Variants in ASPH observed in about 807,000 individuals in gnomAD.
ASPH encodes the protein aspartyl/asparaginyl beta-hydroxylase.
A neutral mutation model predicts 118.4 loss-of-function variants in ASPH; 100 were observed. That is an observed-to-expected ratio of 0.84 (90% CI 0.72 to 1.00). The LOEUF (loss-of-function observed/expected upper bound fraction) is 1.00, where lower values mean the gene tolerates loss of function less well. Ranked by LOEUF, ASPH falls within the 50% of genes least tolerant of loss-of-function variation. The pLI, the probability that ASPH is intolerant of heterozygous loss-of-function variation, is 0.00. For missense variants in ASPH, 920 were observed against 919.5 expected, an observed-to-expected ratio of 1.00 and a Z score of -0.01; for synonymous variants, 315 against 325.6, an observed-to-expected ratio of 0.97 and a Z score of 0.35.
At chr8:61,643,012 A>T in intron 9 of ASPH, 92 bp from the exon 10 acceptor site, 2 of 1,127,358 alleles carry the variant, frequency 1.8e-6, no homozygotes, top group Non-Finnish European at 2.5e-6. Context: ...CTTAATCGTA[A>T]ACACAGAACT....
chr8:61,611,262 G>A (rs1847262574), intron 14 of ASPH, among the ~76,000 whole-genome samples: 1 of 152,290 alleles, frequency 6.6e-6, no homozygotes, highest in African/African-American at 2.4e-5. Flanking sequence ...TTGCTATATG[G>A]ACACAGCTTC....
Position 61,566,684 on chromosome 8 carries a change from C to T in ASPH, c.1300+484G>A, listed in dbSNP as rs141482065. Among the ~76,000 whole-genome samples, 82 of 152,350 alleles carry T rather than the reference C, an allele frequency of 5.4e-4. No homozygotes were observed. In the East Asian group the frequency reaches 9.3e-3, roughly 17 times the overall value. ...AAATTGCCTCAGTCACCCCAACCTT[C>T]AGCAACCACCACCCTGATCAGTCAC... On this transcript the variant is annotated intron_variant, in intron 17 of 24. Transcript: ENST00000379454.
chr8:61,648,717 G>A (rs1172663201), intron 5 of ASPH, among the ~76,000 whole-genome samples: 1 of 152,164 alleles, frequency 6.6e-6, no homozygotes, highest in African/African-American at 2.4e-5. Flanking sequence ...TCTAGGCATG[G>A]CCAAGCCCTC....
intron 14 of ASPH, among the ~76,000 whole-genome samples, chr8:61,592,420 C>T (rs574248119): frequency 1.3e-5 from 2 of 152,320 alleles, no homozygotes; most frequent in South Asian, 4.1e-4. Flanking sequence ...TCACACTATA[C>T]CTGCATTCAG....
intron 18 of ASPH, among the ~76,000 whole-genome samples, chr8:61,560,879 G>A (rs984428247): frequency 2.0e-5 from 3 of 151,858 alleles, no homozygotes; most frequent in Admixed American, 6.6e-5. Flanking sequence ...AACCTCAAAC[G>A]TGCTTGCACC....
chr8:61,618,566 T>C (rs1230565987), intron 14 of ASPH, among the ~76,000 whole-genome samples: 1 of 152,234 alleles, frequency 6.6e-6, no homozygotes, highest in Non-Finnish European at 1.5e-5. Context: ...CAATAAATGA[T>C]ATTTAATATA....
chr8:61,711,242 G>T (rs1196074249), intron 1 of ASPH, among the ~76,000 whole-genome samples: 2 of 151,998 alleles, frequency 1.3e-5, no homozygotes, highest in Non-Finnish European at 2.9e-5. Flanking sequence ...GGAGTTAAGG[G>T]GTGATACTCA....
At chr8:61,574,708 T>A (rs1456621855) in intron 16 of ASPH, among the ~76,000 whole-genome samples, 1 of 152,024 alleles carries the variant, frequency 6.6e-6, no homozygotes, top group Non-Finnish European at 1.5e-5. Context: ...GGTGGGGGGC[T>A]AGGGGAGGGA....
At chr8:61,670,970 G>C (rs1316480862) in intron 3 of ASPH, among the ~76,000 whole-genome samples, 1 of 152,224 alleles carries the variant, frequency 6.6e-6, no homozygotes, top group Non-Finnish European at 1.5e-5. Context: ...CTGCTAACAA[G>C]GGAAACTGTT....
At chr8:61,693,082 T>C (rs1833032718) in intron 1 of ASPH, among the ~76,000 whole-genome samples, 1 of 152,124 alleles carries the variant, frequency 6.6e-6, no homozygotes, top group Non-Finnish European at 1.5e-5. Context: ...CTCCAGTGAC[T>C]TTCCCACTCC....
chr8:61,509,141 G>C (rs116749679), intron 24 of ASPH, among the ~76,000 whole-genome samples: 2,203 of 152,230 alleles, frequency 0.014, 24 homozygotes, highest in Non-Finnish European at 0.023. Context: ...AAGGGGAAAA[G>C]GGAAAGAAAA....
intron 21 of ASPH, among the ~76,000 whole-genome samples, chr8:61,547,672 T>C (rs1042144483): frequency 1.3e-5 from 2 of 152,112 alleles, no homozygotes; most frequent in African/African-American, 4.8e-5. Flanking sequence ...TTTGAAAATA[T>C]AATTTTTTTA....
rs186370000 is a variant in ASPH at position 61,665,908 on chromosome 8, C to T, written c.323-12248G>A. Among the ~76,000 whole-genome samples the T allele has an allele frequency of 7.2e-5, 11 of 152,134 alleles. No individual in the cohort carries two copies. In the East Asian group the frequency reaches 2.1e-3, roughly 29 times the overall value. ...AATTGAGGGCACCACGAAGGCAGTG[C>T]TTTGCACAAAGTATTAACTCACACT... On this transcript the variant is annotated intron_variant, in intron 3 of 24. Coordinates refer to ENST00000379454, the MANE Select transcript of ASPH (RefSeq NM_004318.4).
rs765843301 is a variant in ASPH at position 61,526,042 on chromosome 8, A to G, written c.1835T>C (p.Phe612Ser). The G allele has an allele frequency of 1.2e-6, 2 of 1,614,022 alleles. No homozygotes were observed. The highest frequency in any genetic ancestry group is 1.1e-5 in the South Asian group (1 of 91,072). ...LAVMDKAKGL[F>S]LPEDENLREK... ...CCTCAGGTTTTCATCCTCAGGCAGG[A>G]AGAGACCTTTGGCTTTATCCATCAC... The change falls in exon 22 of 25, where the codon TTC (phenylalanine) becomes TCC (serine). Residue 612 changes from phenylalanine (F) to serine (S), a missense_variant. By Grantham distance (155) the Phe-to-Ser change is radical. Coordinates refer to ENST00000379454, the MANE Select transcript of ASPH (RefSeq NM_004318.4).
rs753461719 is a variant in ASPH at position 61,501,705 on chromosome 8, C to T, written c.*1654G>A. On this transcript the variant is annotated 3_prime_UTR_variant, in exon 25 of 25. Transcript: ENST00000379454. ...TTTGGATATTTTTCCTCCCATGCCT[C>T]TTCATCTGATTTAGTGGGATGTTTT... The T allele has an allele frequency of 6.6e-6, 1 of 152,158 alleles. No individual in the cohort carries two copies. The highest frequency in any genetic ancestry group is 1.5e-5 in the Non-Finnish European group (1 of 68,032). 9.4% of individuals were successfully genotyped at this position (152,158 alleles called of 1,614,324 possible). A position where few individuals can be genotyped will look rare whatever the true frequency, so the allele number is the denominator to read the frequency against.
intron 14 of ASPH, among the ~76,000 whole-genome samples, chr8:61,587,745 T>C (rs1372248042): frequency 6.6e-6 from 1 of 152,228 alleles, no homozygotes; most frequent in Admixed American, 6.5e-5. Flanking sequence ...CTAACTATTG[T>C]ACCTGTCTTT....
At chr8:61,528,465 A>T (rs16927460) in intron 21 of ASPH, among the ~76,000 whole-genome samples, 16,946 of 152,212 alleles carry the variant, frequency 0.11, 970 homozygotes, top group Non-Finnish European at 0.13. Flanking sequence ...CTCCTCTAAC[A>T]CATAAAATTA....
At chr8:61,575,165 T>C (rs1423134146) in intron 16 of ASPH, among the ~76,000 whole-genome samples, 1 of 152,240 alleles carries the variant, frequency 6.6e-6, no homozygotes, top group Non-Finnish European at 1.5e-5. Context: ...TCAGTCATGT[T>C]ACCTGCAGCC....
At chr8:61,707,087 T>C (rs1015543772) in intron 1 of ASPH, among the ~76,000 whole-genome samples, 1 of 152,140 alleles carries the variant, frequency 6.6e-6, no homozygotes, top group Admixed American at 6.5e-5. Flanking sequence ...AGTATAAAGG[T>C]GTGAACCACA....
Sources: gnomAD v4.1 joint callset for allele counts (sites outside exome capture counted in the v4.1 genomes callset) on GRCh38, gnomAD v4.1.1 for gene constraint, MANE v1.5 for transcripts, NCBI Gene and HGNC (gene_info 2026-07-23, HGNC 2026-07-21) for gene names.